LRMDA: variants seen among roughly 807,000 people sequenced by gnomAD.
The protein encoded by LRMDA is leucine rich melanocyte differentiation associated, also known as leucine-rich melanocyte differentiation-associated protein.
A neutral mutation model predicts 29.8 loss-of-function variants in LRMDA; 18 were observed. That is an observed-to-expected ratio of 0.60 (90% CI 0.42 to 0.90). The LOEUF (loss-of-function observed/expected upper bound fraction) is 0.90. LRMDA is among the 40% of genes least tolerant of loss of function. The probability of loss-of-function intolerance (pLI) is 0.00; values close to 1 mark genes in which losing one functional copy is unlikely to be tolerated. For synonymous variants in LRMDA, 125 were observed against 109.4 expected (o/e 1.14, Z -0.89); for missense variants, 273 against 273.9 (o/e 1.00, Z 0.02).
chr10:76,134,041 A>G (rs954462375), intron 5 of LRMDA, among the ~76,000 whole-genome samples: 3 of 152,182 alleles, frequency 2.0e-5, no homozygotes, highest in Admixed American at 2.0e-4. Flanking sequence ...GTCCAGGAAC[A>G]GAGAACTGCA....
intron 6 of LRMDA, among the ~76,000 whole-genome samples, chr10:76,412,456 G>A (rs1841972463): frequency 6.6e-6 from 1 of 152,148 alleles, no homozygotes; most frequent in South Asian, 2.1e-4. Flanking sequence ...TGTAGCACAT[G>A]CAGTTTGAAC....
chr10:76,213,133 A>G (rs1481730965), intron 5 of LRMDA, among the ~76,000 whole-genome samples: 1 of 152,232 alleles, frequency 6.6e-6, no homozygotes, highest in African/African-American at 2.4e-5. Context: ...GTCTTTAGTT[A>G]CAGCCACACC....
At chr10:76,226,832 T>C (rs968140445) in intron 5 of LRMDA, among the ~76,000 whole-genome samples, 2 of 152,190 alleles carry the variant, frequency 1.3e-5, no homozygotes, top group African/African-American at 4.8e-5. Context: ...ACATGCATCT[T>C]GTACAGCATG....
intron 2 of LRMDA, among the ~76,000 whole-genome samples, chr10:75,682,192 C>G (rs888999400): frequency 1.3e-5 from 2 of 152,222 alleles, no homozygotes; most frequent in Non-Finnish European, 2.9e-5. Context: ...CAGCAGAAAA[C>G]CACTACTCTA....
intron 2 of LRMDA, among the ~76,000 whole-genome samples, chr10:75,572,040 G>A (rs967454984): frequency 6.6e-6 from 1 of 152,136 alleles, no homozygotes; most frequent in African/African-American, 2.4e-5. Context: ...TGCAACCTCT[G>A]CCTCCCGGGT....
intron 5 of LRMDA, among the ~76,000 whole-genome samples, chr10:76,145,707 C>T (rs940352438): frequency 2.0e-5 from 3 of 151,886 alleles, no homozygotes; most frequent in Non-Finnish European, 2.9e-5. Flanking sequence ...CTGCTCTGAT[C>T]TTAGTTATTT....
At chr10:75,928,522 G>C (rs1473979623) in intron 2 of LRMDA, among the ~76,000 whole-genome samples, 1 of 152,124 alleles carries the variant, frequency 6.6e-6, no homozygotes, top group Non-Finnish European at 1.5e-5. Context: ...TATTAAGCAA[G>C]ATATAAGGGC....
chr10:76,420,800 C>G (rs1348736010), intron 6 of LRMDA, among the ~76,000 whole-genome samples: 1 of 152,040 alleles, frequency 6.6e-6, no homozygotes, highest in Non-Finnish European at 1.5e-5. Flanking sequence ...AAGTATGTAG[C>G]TTAATTTCCC....
intron 5 of LRMDA, among the ~76,000 whole-genome samples, chr10:76,245,984 C>T (rs889134825): frequency 5.3e-5 from 8 of 152,138 alleles, no homozygotes; most frequent in East Asian, 1.9e-4. Flanking sequence ...ATGTATTACA[C>T]GGTATATGCC....
intron 2 of LRMDA, among the ~76,000 whole-genome samples, chr10:75,758,212 C>T (rs527412909): frequency 2.6e-5 from 4 of 152,212 alleles, no homozygotes; most frequent in East Asian, 1.9e-4. Flanking sequence ...ACGGGAGTGC[C>T]GCTTGGGGGC....
intron 2 of LRMDA, among the ~76,000 whole-genome samples, chr10:75,470,745 T>C (rs1164412365): frequency 6.6e-6 from 1 of 152,142 alleles, no homozygotes; most frequent in African/African-American, 2.4e-5. Context: ...TCATTGTCCG[T>C]TGGAACAGTC....
intron 6 of LRMDA, among the ~76,000 whole-genome samples, chr10:76,435,630 G>A (rs1388134119): frequency 6.6e-6 from 1 of 152,172 alleles, no homozygotes; most frequent in African/African-American, 2.4e-5. Context: ...CTTCTGGGTT[G>A]GGAGAAGTTG....
chr10:75,825,631 G>GA (rs1440591965), intron 2 of LRMDA, among the ~76,000 whole-genome samples: 1 of 152,186 alleles, frequency 6.6e-6, no homozygotes, highest in African/African-American at 2.4e-5. Context: ...AATGGTTGAA[G>GA]AAAATATCTA....
rs187569052 is a variant in LRMDA at position 75,700,496 on chromosome 10, C to T, written c.131+262002C>T. Among the ~76,000 whole-genome samples, 903 of 146,802 alleles carry T rather than the reference C, an allele frequency of 6.2e-3. 13 individuals carry two copies. The highest frequency in any genetic ancestry group is 0.022 in the African/African-American group (856 of 39,566). On this transcript the variant is annotated intron_variant, in intron 2 of 6. Coordinates refer to ENST00000611255, the MANE Select transcript of LRMDA (RefSeq NM_001305581.2). The stretch of plus-strand genomic sequence containing the variant: ...TGTCGCCTAGGCTGGAGTGCAGTGG[C>T]GCGATCTTGGCTCACTGCAAGCTCC...
intron 6 of LRMDA, among the ~76,000 whole-genome samples, chr10:76,505,070 C>A (rs546941055): frequency 6.6e-6 from 1 of 151,118 alleles, no homozygotes; most frequent in Non-Finnish European, 1.5e-5. Context: ...CTTAGTTTGG[C>A]AGAATATGAA....
intron 2 of LRMDA, among the ~76,000 whole-genome samples, chr10:75,902,653 G>A (rs182512067): frequency 2.1e-4 from 32 of 152,170 alleles, no homozygotes; most frequent in African/African-American, 7.2e-4. Context: ...GGGATCTCAC[G>A]GGCTTTTCAA....
At chr10:75,612,276 C>A (rs946429086) in intron 2 of LRMDA, among the ~76,000 whole-genome samples, 22 of 152,162 alleles carry the variant, frequency 1.4e-4, no homozygotes, top group African/African-American at 5.3e-4. Flanking sequence ...GTGCTCTGAA[C>A]CGTGCTGGGC....
chr10:76,359,276 C>CTTATT (rs1841280535), intron 6 of LRMDA, among the ~76,000 whole-genome samples: 1 of 152,120 alleles, frequency 6.6e-6, no homozygotes, highest in Non-Finnish European at 1.5e-5. Flanking sequence ...TGAGTAAAGG[C>CTTATT]TTATTAGTCC....
chr10:75,549,710 CAT>C (rs936662628), intron 2 of LRMDA, among the ~76,000 whole-genome samples: 2 of 152,126 alleles, frequency 1.3e-5, no homozygotes, highest in African/African-American at 4.8e-5. Context: ...TTGACAAATG[CAT>C]ACAGTCATGT....
Sources: allele counts gnomAD v4.1 joint callset (sites outside exome capture counted in the v4.1 genomes callset), GRCh38; gene constraint gnomAD v4.1.1; transcripts MANE v1.5; gene names NCBI Gene and HGNC (gene_info 2026-07-23, HGNC 2026-07-21).